The following VBP1 variants were observed in gnomAD, a reference collection of about 807,000 sequenced individuals.
The protein encoded by VBP1 is prefoldin subunit 3.
Under a neutral mutation model 15.5 loss-of-function variants are expected in VBP1, and 4 were observed. The ratio of observed to expected loss-of-function variants is 0.26; its 90% CI spans 0.13 to 0.59. VBP1 has a LOEUF of 0.59. VBP1 is among the 20% of genes least tolerant of loss of function. VBP1 has a pLI of 0.90. For missense variants in VBP1, 108 were observed against 139.6 expected (o/e 0.77, Z 1.14); for synonymous variants, 61 against 52.1 (o/e 1.17, Z -0.74).
rs2074665286 is a variant in VBP1 at position 155,216,548 on chromosome X, C to T, written c.66C>T (p.His22=). Residue 22 remains histidine (H), a synonymous_variant, in exon 1 of 6, where the codon CAC becomes CAT. Coordinates refer to ENST00000286428, the MANE Select transcript of VBP1 (RefSeq NM_003372.7). ...CCACAGGGAATGGGCGGCGGCTCCA[C>T]CTGGGGATTCCTGAGGCCGTGTTTG... ...EMATGNGRRL[H]LGIPEAVFVE... is the part of the protein sequence containing the mutation. 8.5e-7 allele frequency: 1 copy of T among 1,169,594 alleles called. No individual in the cohort carries two copies. Among genetic ancestry groups the T allele is most frequent in the African/African-American group, 1.8e-5 (1 of 56,404 alleles).
At chrX:155,200,601 T>G (rs1602863779) in intron 1 of VBP1, among the ~76,000 whole-genome samples, 1 of 107,083 alleles carries the variant, frequency 9.3e-6, no homozygotes, top group South Asian at 4.4e-4. Flanking sequence ...CTGGGACACA[T>G]TCAAAGCAGT....
At chrX:155,213,094 G>C (rs2074650090), upstream of VBP1, 1 of 111,981 alleles carries the variant, frequency 8.9e-6, no homozygotes, top group African/African-American at 3.3e-5. Context: ...CAAGAGGCTG[G>C]GGTGGCTTAG....
chrX:155,227,334 G>GCT (rs782379683), intron 3 of VBP1, 33 bp downstream of exon 3: 9 of 1,029,321 alleles, frequency 8.7e-6, no homozygotes, highest in Non-Finnish European at 9.2e-6. Context: ...ATATGAGCAA[G>GCT]CTAGGATATG....
intron 4 of VBP1, among the ~76,000 whole-genome samples, chrX:155,234,104 C>T (rs1557311201): frequency 1.2e-5 from 1 of 86,777 alleles, no homozygotes; most frequent in African/African-American, 4.2e-5. Flanking sequence ...TTTAGTTGTT[C>T]CTCTGTTTTT....
chrX:155,236,702 C>T (rs1432592020), intron 5 of VBP1, among the ~76,000 whole-genome samples: 2 of 112,604 alleles, frequency 1.8e-5, no homozygotes, highest in Middle Eastern at 4.6e-3. Context: ...ATAAGATATT[C>T]GGAACTAGTA....
At position 155,202,769 on chromosome X, in the gene VBP1, A is replaced by C. The variant is rs781915048; in HGVS notation, c.-31+5630A>C. On this transcript the variant is annotated intron_variant, in intron 1 of 6. Transcript: ENST00000535916. ...CAAAATTGACAAATGGGATCTAATTAAACTAAAGAGCTTCTGCACAGCAAA... is the reference window on the plus strand; with the variant it reads ...CAAAATTGACAAATGGGATCTAATTCAACTAAAGAGCTTCTGCACAGCAAA... Among the ~76,000 whole-genome samples, 884 of 108,264 alleles carry C rather than the reference A, an allele frequency of 8.2e-3. 7 individuals are homozygous for C. Among genetic ancestry groups the C allele is most frequent in the African/African-American group, 0.028 (830 of 29,422 alleles). 94.0% of individuals were successfully genotyped at this position (108,264 alleles called of 115,157 possible).
chrX:155,227,210 A>G (rs1557310335), intron 2 of VBP1, 25 bp from the exon 3 acceptor site: 1 of 1,182,145 alleles, frequency 8.5e-7, no homozygotes. Flanking sequence ...GCAAAATACT[A>G]AGTTACTCTT....
chrX:155,237,533 G>A, intron 5 of VBP1, among the ~76,000 whole-genome samples: 1 of 111,366 alleles, frequency 9.0e-6, no homozygotes, highest in East Asian at 2.8e-4. Context: ...CTCTTGTGAA[G>A]TGCCCCCAGC....
chrX:155,238,716 C>T (rs1557311878), intron 5 of VBP1, 56 bp from the exon 6 acceptor site: 1 of 955,973 alleles, frequency 1.0e-6, no homozygotes, highest in Non-Finnish European at 1.5e-6. Flanking sequence ...AATACTTAGT[C>T]ATTGCATGCA....
upstream of VBP1, chrX:155,216,227 G>T: frequency 2.0e-6 from 1 of 493,132 alleles, no homozygotes. Context: ...CCAGGAGGAC[G>T]TATGGGTTTT....
intron 1 of VBP1, among the ~76,000 whole-genome samples, chrX:155,205,889 A>T (rs781915887): frequency 2.1e-4 from 23 of 111,894 alleles, no homozygotes; most frequent in Non-Finnish European, 3.9e-4. Flanking sequence ...CTTTAATGTG[A>T]CTTCTATCCC....
Position 155,204,830 on chromosome X carries a change from G to T in VBP1, c.-30-4044G>T, listed in dbSNP as rs142086218. 1.9e-4 allele frequency among the ~76,000 whole-genome samples: 21 copies of T among 112,201 alleles called. No homozygotes were observed. In the East Asian group the frequency reaches 5.9e-3, roughly 31 times the overall value. On this transcript the variant is annotated intron_variant, in intron 1 of 6. Transcript: ENST00000535916. ...TAAGAGTTATGAACTACTGTTTGCTGCTGGTTTTTCTCCCCTTCTGAAGGA... is the reference window on the plus strand; with the variant it reads ...TAAGAGTTATGAACTACTGTTTGCTTCTGGTTTTTCTCCCCTTCTGAAGGA...
intron 1 of VBP1, 29 bp from the exon 2 acceptor site, chrX:155,220,154 T>C: frequency 8.5e-7 from 1 of 1,176,644 alleles, no homozygotes; most frequent in South Asian, 1.9e-5. Flanking sequence ...AATTCTAAAA[T>C]TTGTAAAGTA....
intron 1 of VBP1, among the ~76,000 whole-genome samples, chrX:155,219,323 C>A (rs888327197): frequency 8.9e-6 from 1 of 112,206 alleles, no homozygotes; most frequent in Non-Finnish European, 1.9e-5. Flanking sequence ...TGATCCTTAT[C>A]TAATTAACTA....
intron 1 of VBP1, among the ~76,000 whole-genome samples, chrX:155,219,371 T>C (rs782128145): frequency 1.8e-5 from 2 of 112,463 alleles, no homozygotes; most frequent in African/African-American, 3.2e-5. Flanking sequence ...ATAAAAAATA[T>C]TTTAACATCA....
chrX:155,235,665 G>C (rs1557311472), intron 4 of VBP1, among the ~76,000 whole-genome samples: 1 of 111,742 alleles, frequency 8.9e-6, no homozygotes, highest in African/African-American at 3.3e-5. Flanking sequence ...TTTTTTACCT[G>C]GTCAAATATA....
At position 155,239,811 on chromosome X, in the gene VBP1, A is replaced by G. The variant is rs888676236; in HGVS notation, c.*969A>G. On this transcript the variant is annotated 3_prime_UTR_variant, in exon 6 of 6. Coordinates refer to ENST00000286428, the MANE Select transcript of VBP1 (RefSeq NM_003372.7). ...TTCATGAAATTAAAACAGTGATGCT[A>G]AAACTATGGCAGAGCACTTTTTTCA... The G allele has an allele frequency of 5.3e-5, 6 of 112,414 alleles. No individual in the cohort carries two copies. The highest frequency in any genetic ancestry group is 1.3e-4 in the African/African-American group (4 of 30,990). The allele number at this position is 112,414 out of a possible 1,213,427, so 9.3% of individuals were successfully genotyped here.
chrX:155,211,065 G>C (rs1442479875), intron 2 of VBP1, among the ~76,000 whole-genome samples: 1 of 111,674 alleles, frequency 9.0e-6, no homozygotes, highest in African/African-American at 3.3e-5. Context: ...GGAAATGGAG[G>C]CCCTAAGAGA....
chrX:155,226,235 A>G (rs1176451604), intron 2 of VBP1, among the ~76,000 whole-genome samples: 2 of 111,972 alleles, frequency 1.8e-5, no homozygotes, highest in African/African-American at 3.2e-5. Context: ...AACCCCAGTG[A>G]CAAAAACGGT....
Sources: gnomAD v4.1 joint callset for allele counts (sites outside exome capture counted in the v4.1 genomes callset) on GRCh38, gnomAD v4.1.1 for gene constraint, MANE v1.5 for transcripts, NCBI Gene and HGNC (gene_info 2026-07-23, HGNC 2026-07-21) for gene names.